GRM1: variants seen among roughly 807,000 people sequenced by gnomAD.
The protein encoded by GRM1 is metabotropic glutamate receptor 1.
Under a neutral mutation model 90.9 loss-of-function variants are expected in GRM1, and 33 were observed. The observed-to-expected ratio is 0.36, with a 90% confidence interval of 0.28 to 0.49. The LOEUF is 0.49. Among genes scored for constraint, GRM1 ranks in the 20% least tolerant of loss-of-function variants. The pLI is 0.99. For synonymous variants in GRM1, 700 were observed against 613.2 expected (o/e 1.14, Z -2.09); for missense variants, 1,190 against 1,534.3 (o/e 0.78, Z 3.75).
At chr6:146,305,896 A>G (rs1202856013) in intron 3 of GRM1, among the ~76,000 whole-genome samples, 1 of 152,244 alleles carries the variant, frequency 6.6e-6, no homozygotes, top group Non-Finnish European at 1.5e-5. Flanking sequence ...CAGATCACAT[A>G]CATGAAATAG....
chr6:146,137,796 A>AT (rs1776681162), intron 1 of GRM1, among the ~76,000 whole-genome samples: 1 of 151,832 alleles, frequency 6.6e-6, no homozygotes, highest in African/African-American at 2.4e-5. Flanking sequence ...AACATATAAT[A>AT]TTTTTCCATT....
intron 2 of GRM1, among the ~76,000 whole-genome samples, chr6:146,276,671 T>C (rs955809884): frequency 2.6e-5 from 4 of 152,152 alleles, no homozygotes; most frequent in Non-Finnish European, 5.9e-5. Context: ...CTTTGATTTT[T>C]TTTTCTTCCA....
chr6:146,283,035 G>A (rs572098670), intron 2 of GRM1, among the ~76,000 whole-genome samples: 17 of 152,238 alleles, frequency 1.1e-4, no homozygotes, highest in South Asian at 2.1e-4. Flanking sequence ...TGTCTCTTGC[G>A]CTTCTGCCAT....
intron 5 of GRM1, among the ~76,000 whole-genome samples, chr6:146,373,299 A>T (rs866179884): frequency 3.9e-5 from 6 of 152,146 alleles, no homozygotes; most frequent in Admixed American, 3.3e-4. Flanking sequence ...AAATATGCTC[A>T]TGGTTTTGTG....
chr6:146,174,972 T>C (rs1778282926), intron 2 of GRM1, among the ~76,000 whole-genome samples: 2 of 152,138 alleles, frequency 1.3e-5, no homozygotes. Flanking sequence ...CTGGCTTCCC[T>C]GAGGTGGGGG....
intron 5 of GRM1, among the ~76,000 whole-genome samples, chr6:146,359,429 G>T (rs560064527): frequency 1.3e-5 from 2 of 152,324 alleles, no homozygotes; most frequent in East Asian, 3.9e-4. Context: ...GGCTCAGGCT[G>T]CCTCTCCAGT....
At chr6:146,307,250 T>G (rs1783610380) in intron 3 of GRM1, among the ~76,000 whole-genome samples, 1 of 152,222 alleles carries the variant, frequency 6.6e-6, no homozygotes, top group South Asian at 2.1e-4. Flanking sequence ...AAGAGCTTCT[T>G]ATATGATTAC....
chr6:146,229,786 C>G (rs1780381165), intron 2 of GRM1, among the ~76,000 whole-genome samples: 1 of 152,082 alleles, frequency 6.6e-6, no homozygotes, highest in Non-Finnish European at 1.5e-5. Context: ...CTATCATGTA[C>G]TGAGTGTTTA....
intron 1 of GRM1, among the ~76,000 whole-genome samples, chr6:146,048,543 C>A (rs1313758755): frequency 6.6e-6 from 1 of 151,838 alleles, no homozygotes; most frequent in Admixed American, 6.6e-5. Context: ...TCCCACCACA[C>A]CCCCCAAAAA....
chr6:146,299,992 A>G (rs1783315975), intron 2 of GRM1, among the ~76,000 whole-genome samples: 1 of 152,222 alleles, frequency 6.6e-6, no homozygotes. Flanking sequence ...GACACGTGCT[A>G]TATTTCTTCA....
chr6:146,028,135 C>CT (rs903111671), upstream of GRM1, among the ~76,000 whole-genome samples: 5 of 152,076 alleles, frequency 3.3e-5, no homozygotes, highest in African/African-American at 1.2e-4. Flanking sequence ...TTTGGCGCCT[C>CT]TGTCCCCAAG....
Position 146,437,173 on chromosome 6 carries a change from A to AT in GRM1, c.*2383dup, listed in dbSNP as rs1778618397. ...ATCTCTTTATTAGTGAATCATGCTT[A>AT]TTTTTTACTCTTAATGCCACTAATA... On this transcript the variant is annotated 3_prime_UTR_variant, in exon 8 of 8. Transcript: ENST00000282753. 6.6e-6 allele frequency: 1 copy of AT among 152,100 alleles called. No individual in the cohort carries two copies. The allele number at this position is 152,100 out of a possible 1,614,324, so 9.4% of individuals were successfully genotyped here. A position where few individuals can be genotyped will look rare whatever the true frequency, so the allele number is the denominator to read the frequency against.
At chr6:146,322,436 A>G (rs986955798) in intron 3 of GRM1, among the ~76,000 whole-genome samples, 1 of 152,158 alleles carries the variant, frequency 6.6e-6, no homozygotes, top group Admixed American at 6.5e-5. Context: ...TGGGAGACCC[A>G]CTGCTCTCTT....
intron 2 of GRM1, among the ~76,000 whole-genome samples, chr6:146,280,130 T>C (rs1439301000): frequency 6.6e-6 from 1 of 152,136 alleles, no homozygotes; most frequent in African/African-American, 2.4e-5. Flanking sequence ...TATGTGCACA[T>C]TTCTGCCACC....
At chr6:146,171,833 G>A (rs1177598254) in intron 2 of GRM1, 3 of 264,750 alleles carry the variant, frequency 1.1e-5, no homozygotes, top group Non-Finnish European at 2.4e-5. Context: ...TCTTCTGCTT[G>A]GCATGGCATC....
chr6:146,301,747 A>C (rs922237745), intron 2 of GRM1, among the ~76,000 whole-genome samples: 2 of 152,184 alleles, frequency 1.3e-5, no homozygotes, highest in Non-Finnish European at 2.9e-5. Flanking sequence ...CAAATCTTCA[A>C]ATTGCTCTAG....
intron 2 of GRM1, among the ~76,000 whole-genome samples, chr6:146,204,023 A>G (rs963130932): frequency 2.0e-5 from 3 of 152,210 alleles, no homozygotes; most frequent in Non-Finnish European, 4.4e-5. Flanking sequence ...AGATTGTGTT[A>G]TTTTTGAATA....
chr6:146,049,457 G>C (rs562717182), intron 1 of GRM1, among the ~76,000 whole-genome samples: 2 of 152,092 alleles, frequency 1.3e-5, no homozygotes, highest in South Asian at 4.1e-4. Context: ...TGCATCAGTA[G>C]CTGCCTAGAT....
intron 1 of GRM1, among the ~76,000 whole-genome samples, chr6:146,048,585 T>C (rs1190900634): frequency 6.6e-6 from 1 of 151,982 alleles, no homozygotes; most frequent in Non-Finnish European, 1.5e-5. Flanking sequence ...TATCTCATAA[T>C]ATGAGCTTAT....
Sources: allele counts gnomAD v4.1 joint callset (sites outside exome capture counted in the v4.1 genomes callset), GRCh38; gene constraint gnomAD v4.1.1; transcripts MANE v1.5; gene names NCBI Gene and HGNC (gene_info 2026-07-23, HGNC 2026-07-21).